HIPK2: variants seen among roughly 807,000 people sequenced by gnomAD.
HIPK2 encodes homeodomain-interacting protein kinase 2.
A neutral mutation model predicts 113.7 loss-of-function variants in HIPK2; 27 were observed. The observed-to-expected ratio is 0.24, with a 90% CI of 0.17 to 0.33. The LOEUF (loss-of-function observed/expected upper bound fraction) is 0.33. Among genes scored for constraint, HIPK2 ranks in the 10% least tolerant of loss-of-function variants. HIPK2 has a pLI of 1.00. For missense variants in HIPK2, 1,257 were observed against 1,588.0 expected, an observed-to-expected ratio of 0.79 and a Z score of 3.54; for synonymous variants, 631 against 642.2, an observed-to-expected ratio of 0.98 and a Z score of 0.26.
At chr7:139,584,164 G>C in intron 12 of HIPK2, 100 bp from the exon 13 acceptor site, 1 of 1,470,864 alleles carries the variant, frequency 6.8e-7, no homozygotes. Flanking sequence ...AGGCAGAGGG[G>C]AGAGGGCAGG....
intron 1 of HIPK2, among the ~76,000 whole-genome samples, chr7:139,747,117 C>A (rs1403877971): frequency 6.6e-6 from 1 of 152,110 alleles, no homozygotes; most frequent in Non-Finnish European, 1.5e-5. Context: ...CAAATACTGC[C>A]CAGTTGGGGT....
intron 1 of HIPK2, among the ~76,000 whole-genome samples, chr7:139,754,999 C>T (rs893838485): frequency 6.6e-6 from 1 of 152,126 alleles, no homozygotes; most frequent in Non-Finnish European, 1.5e-5. Flanking sequence ...ATTGGGTGAT[C>T]TTTCTGTTCG....
rs1000135762 is a variant in HIPK2 at position 139,631,529 on chromosome 7, A to G, written c.1227+73T>C. 2.5e-6 allele frequency: 4 copies of G among 1,576,894 alleles called. No homozygotes were observed. In the African/African-American group the frequency reaches 4.1e-5, roughly 16 times the overall value. On this transcript the variant is annotated intron_variant, in intron 3 of 14. Transcript: ENST00000406875. The surrounding 1 kb of genome is among the most constrained non-coding windows in gnomAD (Gnocchi z 4.9). ...GTCCCGCCCATTTGTCATGTAATCA[A>G]TGAAATGCTAATCCAGGCTATTTTC...
chr7:139,576,967 C>G (rs1001461011), intron 13 of HIPK2, among the ~76,000 whole-genome samples: 1 of 152,164 alleles, frequency 6.6e-6, no homozygotes, highest in African/African-American at 2.4e-5. Flanking sequence ...TGCCTCAGCT[C>G]TCCTCCAGGA....
intron 2 of HIPK2, among the ~76,000 whole-genome samples, chr7:139,660,592 A>G (rs974142285): frequency 5.9e-5 from 9 of 152,132 alleles, no homozygotes; most frequent in Admixed American, 1.3e-4. Flanking sequence ...GGGCTTTGTT[A>G]TATTTGTGGG....
chr7:139,742,529 CACTT>C (rs1796120575), intron 1 of HIPK2, among the ~76,000 whole-genome samples: 1 of 151,834 alleles, frequency 6.6e-6, no homozygotes, highest in Admixed American at 6.6e-5. Flanking sequence ...CCATACAAAA[CACTT>C]ACTCTTTTTT....
chr7:139,649,015 CAGCACCAT>C (rs1369825223), intron 2 of HIPK2, among the ~76,000 whole-genome samples: 21 of 152,096 alleles, frequency 1.4e-4, no homozygotes. Flanking sequence ...TGGGAAAAGG[CAGCACCAT>C]ATTTCCTCTG....
chr7:139,638,948 G>A (rs1274754351), intron 2 of HIPK2, among the ~76,000 whole-genome samples: 1 of 152,148 alleles, frequency 6.6e-6, no homozygotes, highest in Non-Finnish European at 1.5e-5. Flanking sequence ...GAGCCACCAC[G>A]CCCAGCCAAT....
intron 13 of HIPK2, among the ~76,000 whole-genome samples, chr7:139,582,636 A>T (rs1798706047): frequency 6.6e-6 from 1 of 152,224 alleles, no homozygotes; most frequent in Non-Finnish European, 1.5e-5. Context: ...CTTCGCCGCA[A>T]ATGTCGGAAA....
intron 12 of HIPK2, among the ~76,000 whole-genome samples, chr7:139,588,836 T>C (rs368011862): frequency 3.0e-4 from 46 of 152,264 alleles, no homozygotes; most frequent in African/African-American, 1.1e-3. Flanking sequence ...CACCTCACAC[T>C]GTTTCGAAGT....
At chr7:139,657,060 G>A (rs923876207) in intron 2 of HIPK2, among the ~76,000 whole-genome samples, 1 of 152,044 alleles carries the variant, frequency 6.6e-6, no homozygotes, top group Non-Finnish European at 1.5e-5. Flanking sequence ...TAATAGAGAC[G>A]GGGTTTCACC....
At chr7:139,608,522 A>C (rs1799707086) in intron 9 of HIPK2, among the ~76,000 whole-genome samples, 1 of 151,982 alleles carries the variant, frequency 6.6e-6, no homozygotes, top group Admixed American at 6.6e-5. Flanking sequence ...AAAGGAATTA[A>C]ATTTAAATTT....
intron 1 of HIPK2, among the ~76,000 whole-genome samples, chr7:139,745,711 A>AC (rs909094748): frequency 1.3e-5 from 2 of 150,814 alleles, no homozygotes; most frequent in Admixed American, 6.6e-5. Context: ...CACCTTCCAC[A>AC]CCCCCCTCAC....
intron 1 of HIPK2, among the ~76,000 whole-genome samples, chr7:139,762,786 A>AG (rs1796488746): frequency 6.6e-6 from 1 of 152,240 alleles, no homozygotes; most frequent in South Asian, 2.1e-4. Context: ...TAGAGAACAC[A>AG]GAGACAACCA....
At chr7:139,717,073 C>A in intron 1 of HIPK2, 58 bp from the exon 2 acceptor site, 2 of 1,541,680 alleles carry the variant, frequency 1.3e-6, no homozygotes, top group South Asian at 1.3e-5. Flanking sequence ...CAAGTAAACT[C>A]AACAGATCCC....
Position 139,578,891 on chromosome 7 carries a change from C to T in HIPK2, c.2966-3603G>A, listed in dbSNP as rs1246149808. 5.9e-5 allele frequency among the ~76,000 whole-genome samples: 9 copies of T among 152,214 alleles called. No individual in the cohort carries two copies. The East Asian group carries it at 1.7e-3, about 30-fold the overall frequency. On this transcript the variant is annotated intron_variant, in intron 13 of 14. Transcript: ENST00000406875. ...TTTGCCATGTTGGCCAGGCTGGTCT[C>T]GAACTCCTGATCTCAGGTGATCTGC...
intron 2 of HIPK2, among the ~76,000 whole-genome samples, chr7:139,697,579 T>G (rs1441243706): frequency 1.3e-5 from 2 of 151,996 alleles, no homozygotes; most frequent in East Asian, 3.9e-4. Context: ...CCTAAAGGTT[T>G]TTTTTTTTCT....
intron 12 of HIPK2, among the ~76,000 whole-genome samples, chr7:139,585,499 C>G (rs1022873360): frequency 2.0e-5 from 3 of 152,204 alleles, no homozygotes; most frequent in African/African-American, 7.2e-5. Flanking sequence ...GGTGCCTAAC[C>G]GTGTTCGTGG....
intron 2 of HIPK2, among the ~76,000 whole-genome samples, chr7:139,656,378 A>G (rs1278359450): frequency 6.6e-6 from 1 of 152,194 alleles, no homozygotes; most frequent in Non-Finnish European, 1.5e-5. Flanking sequence ...AGGATGCTCA[A>G]GAGTCATCTT....
Sources: allele counts gnomAD v4.1 joint callset (sites outside exome capture counted in the v4.1 genomes callset), GRCh38; gene constraint gnomAD v4.1.1; non-coding constraint Gnocchi (gnomAD v3.1); transcripts MANE v1.5; gene names NCBI Gene and HGNC (gene_info 2026-07-23, HGNC 2026-07-21).